Variants in COPS3 observed in about 807,000 individuals in gnomAD.
The protein encoded by COPS3 is COP9 signalosome subunit 3, also known as COP9 signalosome complex subunit 3.
Under a neutral mutation model 58.2 loss-of-function variants are expected in COPS3, and 10 were observed. The observed-to-expected ratio is 0.17, with a 90% CI of 0.11 to 0.29. The LOEUF is 0.29. Among genes scored for constraint, COPS3 ranks in the 10% least tolerant of loss-of-function variants. COPS3 has a pLI of 1.00. For missense variants in COPS3, 333 were observed against 510.1 expected (o/e 0.65, Z 3.34); for synonymous variants, 187 against 181.7 (o/e 1.03, Z -0.24).
intron 1 of COPS3, 72 bp from the exon 2 acceptor site, chr17:17,276,236 C>T: frequency 3.2e-6 from 5 of 1,580,976 alleles, no homozygotes; most frequent in South Asian, 1.1e-5. Flanking sequence ...CTAACCACAA[C>T]TTTGTACTTC....
At chr17:17,260,119 A>C (rs541391295) in intron 8 of COPS3, among the ~76,000 whole-genome samples, 182 bp downstream of exon 8, 1 of 152,230 alleles carries the variant, frequency 6.6e-6, no homozygotes, top group African/African-American at 2.4e-5. Flanking sequence ...AGCCCTGAAA[A>C]GACCAAAGGT....
At chr17:17,247,674 C>G in intron 10 of COPS3, 114 bp from the exon 11 acceptor site, 1 of 983,778 alleles carries the variant, frequency 1.0e-6, no homozygotes, top group Non-Finnish European at 1.5e-6. Context: ...TGATGTGAAA[C>G]CCCTGGGGCC....
At chr17:17,277,527 C>T (rs2048485469) in intron 1 of COPS3, among the ~76,000 whole-genome samples, 1 of 152,178 alleles carries the variant, frequency 6.6e-6, no homozygotes, top group South Asian at 2.1e-4. Context: ...AAGCAATCCT[C>T]CCACCTTAGC....
intron 4 of COPS3, among the ~76,000 whole-genome samples, chr17:17,269,919 G>C: frequency 6.6e-6 from 1 of 152,184 alleles, no homozygotes; most frequent in East Asian, 1.9e-4. Context: ...CACTTTGGGA[G>C]GCCAAGGCGG....
chr17:17,260,802 C>CAAAAAAAAAAAAAAAAACAAAAAAAAA (rs374998521), intron 7 of COPS3: 1 of 89,790 alleles, frequency 1.1e-5, no homozygotes. Context: ...AACTCCGTCT[C>CAAAAAAAAAAAAAAAAACAAAAAAAAA]AAAAAAAAAA....
chr17:17,267,350 T>C (rs2048248292), intron 5 of COPS3, among the ~76,000 whole-genome samples: 1 of 132,982 alleles, frequency 7.5e-6, no homozygotes, highest in African/African-American at 2.9e-5. Flanking sequence ...AAAAAAAAGT[T>C]ACAACTAGGG....
At chr17:17,277,138 T>C (rs1363500341) in intron 1 of COPS3, among the ~76,000 whole-genome samples, 1 of 152,092 alleles carries the variant, frequency 6.6e-6, no homozygotes, top group Admixed American at 6.6e-5. Context: ...CTCCCCCACA[T>C]CCTCTGCTAC....
At chr17:17,250,795 G>A (rs2047826602) in intron 9 of COPS3, among the ~76,000 whole-genome samples, 1 of 152,206 alleles carries the variant, frequency 6.6e-6, no homozygotes. Context: ...AGCTTTGGAA[G>A]GGATAGATGC....
intron 8 of COPS3, among the ~76,000 whole-genome samples, chr17:17,257,055 C>T (rs920644591): frequency 6.6e-6 from 1 of 152,116 alleles, no homozygotes; most frequent in Admixed American, 6.5e-5. Context: ...ACAGTGGGAT[C>T]CCATCTCTAC....
chr17:17,260,364 G>A lies in COPS3; in HGVS notation c.873C>T (p.Asn291=). The change falls in exon 8 of 12, where the codon AAC becomes AAT. Residue 291 remains asparagine (N), a synonymous_variant. Coordinates refer to ENST00000268717, the MANE Select transcript of COPS3 (RefSeq NM_003653.4). The part of the protein sequence containing the change: ...KHSETFTRDN[N]MGLVKQCLSS... The stretch of plus-strand genomic sequence containing the variant: ...ACAAGCATTGCTTCACCAGCCCCAT[G>A]TTGTTATCGCGAGTGAAGGTTTCAC... 6.2e-7 allele frequency: 1 copy of A among 1,614,142 alleles called. No homozygotes were observed. Among genetic ancestry groups the A allele is most frequent in the South Asian group, 1.1e-5 (1 of 91,088 alleles).
rs71152853 is a variant in COPS3, at chr17:17,254,814, G to GAAAAA, written c.1023+40_1023+44dup. 564 of 822,090 alleles carry GAAAAA rather than the reference G, an allele frequency of 6.9e-4. 7 individuals are homozygous for GAAAAA. The highest frequency in any genetic ancestry group is 2.5e-3 in the South Asian group (133 of 53,550). The allele number at this position is 822,090 out of a possible 1,614,324, so 50.9% of individuals were successfully genotyped here. On this transcript the variant is annotated intron_variant, in intron 9 of 11. Coordinates refer to ENST00000268717, the MANE Select transcript of COPS3 (RefSeq NM_003653.4). ...ACAGAGCGAGACTCCATCTCAAAAA[G>GAAAAA]AAAAAAAAAAAAAAAAAAGAAAAAG... is the stretch of plus-strand genomic sequence containing the variant.
In COPS3 at chr17:17,276,040, A is replaced by T. The variant is rs1364663589; in HGVS notation, c.180T>A (p.Ala60=). 2 of 1,613,418 alleles carry T rather than the reference A, an allele frequency of 1.2e-6. No homozygotes were observed. Among genetic ancestry groups the T allele is most frequent in the African/African-American group, 2.7e-5 (2 of 74,920 alleles). ...DVQEHSLGVL[A]VLFVKFSMPS... is the part of the protein sequence containing the mutation. ...TAAAAGAAGATGCTCCTTACAAAAC[A>T]GCAAGGACGCCCAAGGAGTGTTCTT... is the stretch of plus-strand genomic sequence containing the variant. The change falls in exon 2 of 12, where the codon GCT becomes GCA. Residue 60 remains alanine (A), a synonymous_variant. Transcript: ENST00000268717.
chr17:17,268,733 C>T (rs1197431718), intron 4 of COPS3, among the ~76,000 whole-genome samples: 3 of 151,642 alleles, frequency 2.0e-5, no homozygotes, highest in Non-Finnish European at 2.9e-5. Flanking sequence ...GCAGGAGAAT[C>T]GCTTGAACCC....
At chr17:17,260,161 C>A in intron 8 of COPS3, 140 bp downstream of exon 8, 1 of 840,762 alleles carries the variant, frequency 1.2e-6, no homozygotes, top group African/African-American at 1.7e-5. Flanking sequence ...AAGCCAATCA[C>A]AAGAGAGTTC....
At chr17:17,280,160 C>A (rs1267235427) in intron 1 of COPS3, among the ~76,000 whole-genome samples, 1 of 152,150 alleles carries the variant, frequency 6.6e-6, no homozygotes, top group Non-Finnish European at 1.5e-5. Context: ...GCCTGTAATC[C>A]CAGCACTTTG....
chr17:17,248,093 C>T (rs972662184), intron 10 of COPS3, among the ~76,000 whole-genome samples: 1 of 152,146 alleles, frequency 6.6e-6, no homozygotes, highest in Non-Finnish European at 1.5e-5. Context: ...TCTCCTCCAG[C>T]CACCCCGACT....
At chr17:17,268,823 A>AAACAAC (rs144926116) in intron 4 of COPS3, among the ~76,000 whole-genome samples, 1 of 147,644 alleles carries the variant, frequency 6.8e-6, no homozygotes, top group Non-Finnish European at 1.5e-5. Context: ...CATCTCAAAA[A>AAACAAC]AACAACAACA....
chr17:17,257,291 G>A (rs1466479042), intron 8 of COPS3, among the ~76,000 whole-genome samples: 1 of 151,392 alleles, frequency 6.6e-6, no homozygotes, highest in Non-Finnish European at 1.5e-5. Flanking sequence ...TTGAACCCAG[G>A]AGGCAGAGTC....
At chr17:17,253,709 A>G (rs937838951) in intron 9 of COPS3, among the ~76,000 whole-genome samples, 3 of 152,230 alleles carry the variant, frequency 2.0e-5, no homozygotes, top group African/African-American at 7.2e-5. Flanking sequence ...TTGCTGCAGC[A>G]GTTGCTTGAT....
Sources: gnomAD v4.1 joint callset for allele counts (sites outside exome capture counted in the v4.1 genomes callset) on GRCh38, gnomAD v4.1.1 for gene constraint, MANE v1.5 for transcripts, NCBI Gene and HGNC (gene_info 2026-07-23, HGNC 2026-07-21) for gene names.